The following ARFGEF1 variants were observed in gnomAD, a reference collection of about 807,000 sequenced individuals.
The protein encoded by ARFGEF1 is brefeldin A-inhibited guanine nucleotide-exchange protein 1.
A neutral mutation model predicts 231.0 loss-of-function variants in ARFGEF1; 42 were observed. That is an observed-to-expected ratio of 0.18 (90% CI 0.14 to 0.24). The LOEUF is 0.24. ARFGEF1 is among the 10% of genes least tolerant of loss of function. ARFGEF1 has a pLI of 1.00. For synonymous variants in ARFGEF1, 710 were observed against 732.3 expected, an observed-to-expected ratio of 0.97 and a Z score of 0.49; for missense variants, 1,345 against 2,192.0, an observed-to-expected ratio of 0.61 and a Z score of 7.72.
At chr8:67,322,229 C>A (rs112739679) in intron 1 of ARFGEF1, among the ~76,000 whole-genome samples, 3,808 of 152,296 alleles carry the variant, frequency 0.025, 106 homozygotes, top group South Asian at 0.047. Flanking sequence ...GCCTCATCTC[C>A]TACCATTCCT....
At chr8:67,195,107 T>C (rs1837619178), downstream of ARFGEF1, among the ~76,000 whole-genome samples, 2 of 152,216 alleles carry the variant, frequency 1.3e-5, no homozygotes, top group African/African-American at 4.8e-5. Flanking sequence ...GCCTTTGATA[T>C]GCTTAGAATC....
intron 7 of ARFGEF1, among the ~76,000 whole-genome samples, chr8:67,278,099 G>A (rs1228659064): frequency 6.6e-6 from 1 of 152,028 alleles, no homozygotes; most frequent in South Asian, 2.1e-4. Flanking sequence ...GTGACTTCTG[G>A]TAGAACAAAC....
intron 23 of ARFGEF1, among the ~76,000 whole-genome samples, chr8:67,230,917 A>G (rs1322943223): frequency 6.6e-6 from 1 of 152,278 alleles, no homozygotes; most frequent in Non-Finnish European, 1.5e-5. Context: ...AGAAAATTTT[A>G]TCACCTTAAA....
At chr8:67,257,701 T>C in intron 17 of ARFGEF1, 31 bp downstream of exon 17, 1 of 1,483,804 alleles carries the variant, frequency 6.7e-7, no homozygotes, top group South Asian at 1.2e-5. Flanking sequence ...TTGTACCGCT[T>C]ATTGTAAAAC....
At chr8:67,303,342 G>A (rs2128916861) in intron 1 of ARFGEF1, among the ~76,000 whole-genome samples, 1 of 152,214 alleles carries the variant, frequency 6.6e-6, no homozygotes, top group South Asian at 2.1e-4. Context: ...AATTTAATGG[G>A]AAATTTTCCC....
downstream of ARFGEF1, chr8:67,197,560 C>A (rs1838104005): frequency 1.1e-6 from 1 of 919,410 alleles, no homozygotes; most frequent in Non-Finnish European, 1.3e-6. Flanking sequence ...CAGAACCAAA[C>A]AATATTGAAT....
intron 1 of ARFGEF1, among the ~76,000 whole-genome samples, chr8:67,327,717 T>C (rs1346541546): frequency 6.6e-6 from 1 of 152,244 alleles, no homozygotes; most frequent in Non-Finnish European, 1.5e-5. Context: ...TGTCAAAATT[T>C]CCTTGTATTT....
chr8:67,209,332 T>C (rs566590528), intron 34 of ARFGEF1, among the ~76,000 whole-genome samples: 2 of 152,260 alleles, frequency 1.3e-5, no homozygotes, highest in South Asian at 2.1e-4. Flanking sequence ...ACACAAAAGG[T>C]TGTATTTTGT....
downstream of ARFGEF1, chr8:67,175,227 G>A: frequency 8.6e-7 from 1 of 1,163,134 alleles, no homozygotes; most frequent in South Asian, 1.4e-5. Flanking sequence ...GTTACTTACA[G>A]TGAAGTTTTA....
intron 1 of ARFGEF1, among the ~76,000 whole-genome samples, chr8:67,320,223 C>CAAA (rs544834392): frequency 1.1e-4 from 5 of 45,260 alleles, no homozygotes; most frequent in African/African-American, 2.4e-4. Flanking sequence ...AACGCTATCT[C>CAAA]AAAAAAAAAA....
At chr8:67,284,792 C>T (rs1805682791) in intron 7 of ARFGEF1, among the ~76,000 whole-genome samples, 1 of 152,162 alleles carries the variant, frequency 6.6e-6, no homozygotes, top group African/African-American at 2.4e-5. Flanking sequence ...CAGCTAGCAA[C>T]AAGAGCATCT....
chr8:67,313,574 C>T (rs1807169844), intron 1 of ARFGEF1, among the ~76,000 whole-genome samples: 1 of 152,154 alleles, frequency 6.6e-6, no homozygotes, highest in Non-Finnish European at 1.5e-5. Flanking sequence ...AGCCACCCAG[C>T]GAGTCTACCC....
At chr8:67,311,799 G>A (rs1417226032) in intron 1 of ARFGEF1, among the ~76,000 whole-genome samples, 3 of 152,208 alleles carry the variant, frequency 2.0e-5, no homozygotes, top group Admixed American at 1.3e-4. Flanking sequence ...ATAGAAAGGC[G>A]GGAAAGGTGG....
chr8:67,245,570 T>C lies in ARFGEF1; in HGVS notation c.2851-5280A>G, dbSNP rs542651991. On this transcript the variant is annotated intron_variant, in intron 19 of 38. Coordinates refer to ENST00000262215, the MANE Select transcript of ARFGEF1 (RefSeq NM_006421.5). ...TATAAGATAGTACTTGCAAGCCTCA[T>C]GGTAACCTCAAACCAAAAAAACCTA... Among the ~76,000 whole-genome samples the C allele has an allele frequency of 2.7e-5, 4 of 150,302 alleles. No homozygotes were observed. In the East Asian group the frequency reaches 7.7e-4, roughly 29 times the overall value.
intron 37 of ARFGEF1, 127 bp downstream of exon 37, chr8:67,201,340 T>C: frequency 1.7e-6 from 2 of 1,188,722 alleles, no homozygotes; most frequent in Non-Finnish European, 2.3e-6. Context: ...TTTTTACAAC[T>C]GCTCTGTGGA....
intron 1 of ARFGEF1, among the ~76,000 whole-genome samples, chr8:67,341,528 TTGAGGCGGCAC>T (rs1322424052): frequency 1.3e-5 from 2 of 151,998 alleles, no homozygotes; most frequent in Non-Finnish European, 2.9e-5. Flanking sequence ...TCCTGGGAGT[TTGAGGCGGCAC>T]TGAGCACTGA....
chr8:67,339,185 CCT>C (rs1182072500), intron 1 of ARFGEF1, among the ~76,000 whole-genome samples: 4 of 151,998 alleles, frequency 2.6e-5, no homozygotes, highest in Admixed American at 6.5e-5. Context: ...AAATTCATAC[CCT>C]GTCTGATGCA....
At chr8:67,192,415 G>A (rs919927905) in intron 5 of ARFGEF1, among the ~76,000 whole-genome samples, 19 of 152,126 alleles carry the variant, frequency 1.2e-4, no homozygotes, top group African/African-American at 4.6e-4. Context: ...TTATTGAGTT[G>A]TAAGAGTTCT....
intron 7 of ARFGEF1, among the ~76,000 whole-genome samples, chr8:67,280,710 G>A (rs1228568119): frequency 2.0e-5 from 3 of 152,216 alleles, no homozygotes; most frequent in Non-Finnish European, 4.4e-5. Flanking sequence ...CTGCTCAAGG[G>A]AGGTACCTGC....
Sources: allele counts gnomAD v4.1 joint callset (sites outside exome capture counted in the v4.1 genomes callset), GRCh38; gene constraint gnomAD v4.1.1; transcripts MANE v1.5; gene names NCBI Gene and HGNC (gene_info 2026-07-23, HGNC 2026-07-21).